TTC21A: variants seen among roughly 807,000 people sequenced by gnomAD.
The protein encoded by TTC21A is tetratricopeptide repeat protein 21A.
In TTC21A, 128 loss-of-function variants were observed where a neutral mutation model predicts 156.4. That is an observed-to-expected ratio of 0.82 (90% CI 0.71 to 0.95). The LOEUF is 0.95. Ranked by LOEUF, TTC21A falls within the 40% of genes least tolerant of loss-of-function variation. The pLI is 0.00. For synonymous variants in TTC21A, 587 were observed against 617.1 expected (o/e 0.95, Z 0.72); for missense variants, 1,435 against 1,602.3 (o/e 0.90, Z 1.78).
At position 39,107,811 on chromosome 3, in the gene TTC21A, C is replaced by T; in HGVS notation, c.-27C>T. ...CCGCTCTGCACCGCCCCACCAGACCCGGACTCGGAGCCGCGAGCGGCCCGA... is the reference window on the plus strand; with the variant it reads ...CCGCTCTGCACCGCCCCACCAGACCTGGACTCGGAGCCGCGAGCGGCCCGA... On this transcript the variant is annotated 5_prime_UTR_variant, in exon 1 of 29. Transcript: ENST00000683103. 2 of 1,612,430 alleles carry T rather than the reference C, an allele frequency of 1.2e-6. No homozygotes were observed. The highest frequency in any genetic ancestry group is 2.2e-5 in the South Asian group (2 of 91,078).
rs779002169 is a variant in TTC21A, at chr3:39,133,041, G to A, written c.2563-11G>A. On this transcript the variant is annotated splice_polypyrimidine_tract_variant and intron_variant, in intron 19 of 28. Coordinates refer to ENST00000683103, the MANE Select transcript of TTC21A (RefSeq NM_001366900.1). ...CTGAGTTTCTGATCCTGGCTTGATTGGTTTCTCGAGGCCTTGGACCTCCAG... is the reference window on the plus strand; with the variant it reads ...CTGAGTTTCTGATCCTGGCTTGATTAGTTTCTCGAGGCCTTGGACCTCCAG... 21 of 1,613,704 alleles carry A rather than the reference G, an allele frequency of 1.3e-5. No individual in the cohort carries two copies. Among genetic ancestry groups the A allele is most frequent in the Non-Finnish European group, 8.5e-7 (1 of 1,179,880 alleles).
intron 15 of TTC21A, among the ~76,000 whole-genome samples, chr3:39,129,753 C>CTG: frequency 6.6e-6 from 1 of 152,092 alleles, no homozygotes; most frequent in Non-Finnish European, 1.5e-5. Context: ...CAGTGGGAAA[C>CTG]CAGTGAACAG....
chr3:39,138,507 T>C (rs747644014), intron 27 of TTC21A, 49 bp from the exon 28 acceptor site: 2 of 1,613,858 alleles, frequency 1.2e-6, no homozygotes, highest in East Asian at 4.5e-5. Context: ...CCAGAGGGGT[T>C]CTCAGGTCAC....
intron 9 of TTC21A, among the ~76,000 whole-genome samples, chr3:39,123,621 T>C (rs2037956647): frequency 6.6e-6 from 1 of 152,128 alleles, no homozygotes; most frequent in African/African-American, 2.4e-5. Flanking sequence ...TCCCTGGGGA[T>C]TCTAAGCCTA....
At chr3:39,136,073 G>T (rs1575562406) in intron 22 of TTC21A, 3 of 191,438 alleles carry the variant, frequency 1.6e-5, no homozygotes, top group African/African-American at 2.4e-5. Flanking sequence ...AAAAAAAAAA[G>T]ATTAGGTACC....
At position 39,119,952 on chromosome 3, in the gene TTC21A, G is replaced by A. The variant is rs1462629936; in HGVS notation, c.832G>A (p.Ala278Thr). The change falls in exon 8 of 29, where the codon GCA becomes ACA. Residue 278 changes from alanine (A) to threonine (T), a missense_variant. Coordinates refer to ENST00000683103, the MANE Select transcript of TTC21A (RefSeq NM_001366900.1). ...ATNHVRNLIKALETREPENPS... is the reference protein window; with the variant it reads ...ATNHVRNLIKTLETREPENPS... ...CAATCACGTTAGAAATCTGATTAAG[G>A]CACTAGAGACAAGGGAACCCGAAAA... The A allele has an allele frequency of 6.2e-7, 1 of 1,609,332 alleles. No individual in the cohort carries two copies. Among genetic ancestry groups the A allele is most frequent in the Non-Finnish European group, 8.5e-7 (1 of 1,176,292 alleles).
At chr3:39,119,843 A>G (rs561545657) in intron 7 of TTC21A, 79 bp from the exon 8 acceptor site, 18 of 924,722 alleles carry the variant, frequency 1.9e-5, no homozygotes, top group African/African-American at 3.5e-5. Context: ...TGATGCTACT[A>G]TGCAGTCAGG....
At position 39,118,098 on chromosome 3, in the gene TTC21A, A is replaced by G; in HGVS notation, c.746A>G (p.Asp249Gly). Reference protein sequence around the residue: ...RILEKDESNIDACQILTVHEL... With the variant: ...RILEKDESNIGACQILTVHEL... Reference sequence around the variant, plus strand: ...CTAGAAAAAGATGAGAGCAATATTGATGCCTGCCAAATTCTAACCGTGCAT... The same window carrying G: ...CTAGAAAAAGATGAGAGCAATATTGGTGCCTGCCAAATTCTAACCGTGCAT... The change falls in exon 7 of 29, where the codon GAT (aspartate) becomes GGT (glycine). Residue 249 changes from aspartate (D) to glycine (G), a missense_variant. Physicochemically the swap from Asp to Gly is moderately conservative, Grantham distance 94 (BLOSUM62 -1). Transcript: ENST00000683103. 2 of 1,614,144 alleles carry G rather than the reference A, an allele frequency of 1.2e-6. No individual in the cohort carries two copies. The highest frequency in any genetic ancestry group is 1.7e-6 in the Non-Finnish European group (2 of 1,179,990).
intron 4 of TTC21A, among the ~76,000 whole-genome samples, chr3:39,111,731 C>T (rs6599010): frequency 0.49 from 74,757 of 152,078 alleles, 22,069 homozygotes; most frequent in African/African-American, 0.84. Context: ...ATCTGAGGCA[C>T]TAACATTTCT....
chr3:39,138,530 A>G, intron 27 of TTC21A, 26 bp from the exon 28 acceptor site: 2 of 1,614,124 alleles, frequency 1.2e-6, no homozygotes, highest in Non-Finnish European at 1.7e-6. Flanking sequence ...GGGTGCCACC[A>G]TCTTTGCTCT....
At chr3:39,112,056 A>C (rs771566061) in intron 4 of TTC21A, among the ~76,000 whole-genome samples, 1 of 152,228 alleles carries the variant, frequency 6.6e-6, no homozygotes, top group African/African-American at 2.4e-5. Context: ...GGAGACATCA[A>C]GAGTGGCCTT....
At chr3:39,110,746 TG>T (rs1559666395) in intron 3 of TTC21A, 104 bp from the exon 4 acceptor site, 1 of 1,240,834 alleles carries the variant, frequency 8.1e-7, no homozygotes, top group Non-Finnish European at 1.2e-6. Context: ...CCACAGTGTC[TG>T]GGGGAGACCC....
In TTC21A at chr3:39,128,702, C is replaced by T. The variant is rs1170335042; in HGVS notation, c.1681-15C>T. On this transcript the variant is annotated splice_polypyrimidine_tract_variant and intron_variant, in intron 13 of 28. Transcript: ENST00000683103. ...CAGTGAACTGGAGCCCCACACTCTGCTGTGCTCCTCCTAGGTCCGAGATCA... is the reference window on the plus strand; with the variant it reads ...CAGTGAACTGGAGCCCCACACTCTGTTGTGCTCCTCCTAGGTCCGAGATCA... 2 of 1,611,652 alleles carry T rather than the reference C, an allele frequency of 1.2e-6. No homozygotes were observed. Among genetic ancestry groups the T allele is most frequent in the Non-Finnish European group, 1.7e-6 (2 of 1,178,100 alleles).
intron 9 of TTC21A, among the ~76,000 whole-genome samples, chr3:39,123,238 G>A (rs538915143): frequency 6.6e-6 from 1 of 152,234 alleles, no homozygotes; most frequent in African/African-American, 2.4e-5. Context: ...CCTAATAGTG[G>A]GATGGATATA....
In TTC21A at chr3:39,109,141, A is replaced by C; in HGVS notation, c.84A>C (p.Ala28=). The change falls in exon 2 of 29, where the codon GCA becomes GCC. Residue 28 remains alanine, a synonymous_variant. Coordinates refer to ENST00000683103, the MANE Select transcript of TTC21A (RefSeq NM_001366900.1). ...EKYFHHVQQA[A]AVGLEKFSND... is the part of the protein sequence containing the mutation. ...ACTTCCACCATGTGCAGCAGGCTGC[A>C]GCTGTGGGCCTGGAAAAATTCAGCA... is the stretch of plus-strand genomic sequence containing the variant. 1 of 1,614,196 alleles carries C rather than the reference A, an allele frequency of 6.2e-7. No homozygotes were observed. Among genetic ancestry groups the C allele is most frequent in the Non-Finnish European group, 8.5e-7 (1 of 1,180,000 alleles).
Position 39,134,199 on chromosome 3 carries a change from A to C in TTC21A, c.2752-19A>C. 1 of 1,562,846 alleles carries C rather than the reference A, an allele frequency of 6.4e-7. No individual in the cohort carries two copies. Among genetic ancestry groups the C allele is most frequent in the Non-Finnish European group, 8.8e-7 (1 of 1,133,398 alleles). Reference sequence around the variant, plus strand: ...CATGGTGTTTACTAGTTAGTTTATTATATCCGGCCTTGTCCCAGGTGATGC... The same window carrying C: ...CATGGTGTTTACTAGTTAGTTTATTCTATCCGGCCTTGTCCCAGGTGATGC... On this transcript the variant is annotated intron_variant, in intron 20 of 28. Transcript: ENST00000683103. This position sits in a 1 kb window ranked among gnomAD's most constrained non-coding sequence, Gnocchi z 4.6.
In TTC21A at chr3:39,136,992, G is replaced by C. The variant is rs2039161380; in HGVS notation, c.3189G>C (p.Gln1063His). Reference protein sequence around the residue: ...WGQSAIYHMVQICLNPDNEVV... With the variant: ...WGQSAIYHMVHICLNPDNEVV... ...AGAGCGCCATCTACCACATGGTGCA[G>C]ATCTGTCTGAATCCAGACAACGAGG... The change falls in exon 24 of 29, where the codon CAG becomes CAC. Residue 1063 changes from glutamine (Q) to histidine (H), a missense_variant. Transcript: ENST00000683103. The C allele has an allele frequency of 1.9e-6, 3 of 1,614,174 alleles. No homozygotes were observed. Among genetic ancestry groups the C allele is most frequent in the Non-Finnish European group, 2.5e-6 (3 of 1,180,044 alleles).
chr3:39,110,543 T>A, intron 3 of TTC21A, among the ~76,000 whole-genome samples: 1 of 151,944 alleles, frequency 6.6e-6, no homozygotes, highest in South Asian at 2.1e-4. Flanking sequence ...TCACAATAAG[T>A]TGTGGGCCTG....
intron 6 of TTC21A, among the ~76,000 whole-genome samples, chr3:39,117,512 C>A (rs1236994559): frequency 6.6e-6 from 1 of 152,198 alleles, no homozygotes; most frequent in Non-Finnish European, 1.5e-5. Context: ...GTGACTGCCC[C>A]CCAAGTGCCT....
Sources: gnomAD v4.1 joint callset for allele counts (sites outside exome capture counted in the v4.1 genomes callset) on GRCh38, gnomAD v4.1.1 for gene constraint, Gnocchi (gnomAD v3.1) non-coding constraint, MANE v1.5 for transcripts, NCBI Gene and HGNC (gene_info 2026-07-23, HGNC 2026-07-21) for gene names.